GYS2: variants seen among roughly 807,000 people sequenced by gnomAD.
GYS2 encodes the protein glycogen [starch] synthase, liver.
Under a neutral mutation model 85.6 loss-of-function variants are expected in GYS2, and 80 were observed. The observed-to-expected ratio is 0.93, with a 90% CI of 0.78 to 1.13. The LOEUF (loss-of-function observed/expected upper bound fraction) is 1.13. GYS2 is among the 50% of genes most tolerant of loss of function. The pLI, the probability that GYS2 is intolerant of heterozygous loss-of-function variation, is 0.00. For synonymous variants in GYS2, 328 were observed against 300.7 expected (o/e 1.09, Z -0.94); for missense variants, 881 against 854.9 (o/e 1.03, Z -0.38).
intron 5 of GYS2, among the ~76,000 whole-genome samples, chr12:21,567,661 G>A (rs1016576426): frequency 3.3e-5 from 5 of 151,710 alleles, no homozygotes; most frequent in African/African-American, 7.3e-5. Context: ...GGATGATTTC[G>A]TTGCAAGTAA....
At chr12:21,548,520 T>C (rs930908347) in intron 11 of GYS2, among the ~76,000 whole-genome samples, 1 of 152,202 alleles carries the variant, frequency 6.6e-6, no homozygotes, top group Non-Finnish European at 1.5e-5. Context: ...TCATTTAATA[T>C]AGTTGACTTA....
downstream of GYS2, among the ~76,000 whole-genome samples, chr12:21,535,355 A>G (rs1027717765): frequency 1.3e-5 from 2 of 152,160 alleles, no homozygotes; most frequent in African/African-American, 2.4e-5. Flanking sequence ...TTATCACAGT[A>G]TCTTTCTGGT....
intron 1 of GYS2, among the ~76,000 whole-genome samples, chr12:21,597,131 C>T (rs1944705522): frequency 6.6e-6 from 1 of 152,026 alleles, no homozygotes; most frequent in Admixed American, 6.6e-5. Context: ...GGAGACACTT[C>T]AAGACATGGC....
intron 7 of GYS2, among the ~76,000 whole-genome samples, chr12:21,561,718 G>A (rs1944255380): frequency 6.6e-6 from 1 of 152,132 alleles, no homozygotes; most frequent in South Asian, 2.1e-4. Flanking sequence ...CTTGTTGAAT[G>A]AATATATACT....
At chr12:21,564,630 G>A (rs1308881950) in intron 5 of GYS2, among the ~76,000 whole-genome samples, 2 of 152,070 alleles carry the variant, frequency 1.3e-5, no homozygotes, top group African/African-American at 4.8e-5. Flanking sequence ...AAGTAGCCAA[G>A]GTTTCCAGTG....
chr12:21,541,871 A>C (rs1287330196), intron 13 of GYS2, among the ~76,000 whole-genome samples: 2 of 151,922 alleles, frequency 1.3e-5, no homozygotes, highest in Non-Finnish European at 2.9e-5. Context: ...TCCCCACTCA[A>C]GCAGTCCCCA....
intron 4 of GYS2, among the ~76,000 whole-genome samples, chr12:21,571,323 T>C (rs2136898394): frequency 6.6e-6 from 1 of 152,356 alleles, no homozygotes; most frequent in South Asian, 2.1e-4. Flanking sequence ...TATTTATGAT[T>C]ATATCTTAAA....
rs191827852 is a variant in GYS2 at position 21,545,308 on chromosome 12, G to A, written c.1549+1036C>T. ...AACACAAAAATTAGCCAGGCGTGGTGGTGTGTGCCTGTAATCCCAGCTACT... is the reference window on the plus strand; with the variant it reads ...AACACAAAAATTAGCCAGGCGTGGTAGTGTGTGCCTGTAATCCCAGCTACT... On this transcript the variant is annotated intron_variant, in intron 12 of 15. Transcript: ENST00000261195. Among the ~76,000 whole-genome samples the A allele has an allele frequency of 2.0e-3, 299 of 152,194 alleles. 1 individual carries two copies. The highest frequency in any genetic ancestry group is 3.7e-3 in the Non-Finnish European group (250 of 68,010).
downstream of GYS2, chr12:21,532,836 T>C (rs759802217): frequency 6.6e-6 from 1 of 152,222 alleles, no homozygotes; most frequent in Non-Finnish European, 1.5e-5. Flanking sequence ...TTAAAAGCTG[T>C]CTCAATGATC....
chr12:21,538,040 C>G (rs1003306371), intron 15 of GYS2, among the ~76,000 whole-genome samples: 5 of 152,136 alleles, frequency 3.3e-5, no homozygotes, highest in Non-Finnish European at 7.4e-5. Context: ...GCACTTGAGA[C>G]CTAGCTTGAA....
Position 21,559,105 on chromosome 12 carries a change from T to C in GYS2, c.1294A>G (p.Ile432Val), listed in dbSNP as rs868583576. Residue 432 changes from isoleucine to valine, a missense_variant, in exon 10 of 16, where the codon ATC (isoleucine) becomes GTC (valine). Ile to Val is a conservative substitution (Grantham distance 29, BLOSUM62 3). Coordinates refer to ENST00000261195, the MANE Select transcript of GYS2 (RefSeq NM_021957.4). The stretch of plus-strand genomic sequence containing the variant: ...TTCCTTATTACCTGAGTTGAAAAGA[T>C]GGCTCTTTTCATAATTGTTAGATCA... ...RDDLTIMKRA[I>V]FSTQRQSLPP... 6.3e-7 allele frequency: 1 copy of C among 1,597,382 alleles called. No homozygotes were observed. The highest frequency in any genetic ancestry group is 1.7e-5 in the Admixed American group (1 of 59,958).
chr12:21,539,418 TCTC>T, intron 14 of GYS2, 80 bp from the exon 15 acceptor site: 1 of 797,614 alleles, frequency 1.3e-6, no homozygotes, highest in Non-Finnish European at 2.2e-6. Flanking sequence ...AAGGCCTTAT[TCTC>T]CTAGTTCTGA....
In GYS2 at chr12:21,546,374, A is replaced by T; in HGVS notation, c.1519T>A (p.Ser507Thr). The T allele has an allele frequency of 6.2e-7, 1 of 1,602,586 alleles. No homozygotes were observed. The highest frequency in any genetic ancestry group is 8.5e-7 in the Non-Finnish European group (1 of 1,169,928). Residue 507 changes from serine (S) to threonine (T), a missense_variant, in exon 12 of 16, where the codon TCA becomes ACA. Physicochemically the swap from Ser to Thr is moderately conservative, Grantham distance 58 (BLOSUM62 1). Transcript: ENST00000261195. ...VRGCHLGVFP[S>T]YYEPWGYTPA... ...GTATAACCCCAGGGTTCATAGTATG[A>T]TGGAAATACTCCAAGATGACAACCT...
At chr12:21,585,390 G>A (rs1314609654) in intron 1 of GYS2, among the ~76,000 whole-genome samples, 5 of 152,142 alleles carry the variant, frequency 3.3e-5, no homozygotes, top group African/African-American at 1.2e-4. Flanking sequence ...CTATCAAGAT[G>A]AAATCAGTCT....
chr12:21,559,537 G>C, intron 9 of GYS2, 114 bp downstream of exon 9: 2 of 720,358 alleles, frequency 2.8e-6, no homozygotes, highest in Non-Finnish European at 5.0e-6. Context: ...CATTTTCAAA[G>C]GTTATTAATT....
chr12:21,553,341 T>C (rs970856223), intron 11 of GYS2, among the ~76,000 whole-genome samples: 1 of 152,252 alleles, frequency 6.6e-6, no homozygotes, highest in African/African-American at 2.4e-5. Context: ...GGGATTTAAA[T>C]ACAGTCTTCA....
intron 1 of GYS2, among the ~76,000 whole-genome samples, chr12:21,602,043 T>C: frequency 6.6e-6 from 1 of 152,118 alleles, no homozygotes; most frequent in Non-Finnish European, 1.5e-5. Flanking sequence ...AAACCTTTTG[T>C]TTTCTTGGAT....
intron 11 of GYS2, among the ~76,000 whole-genome samples, chr12:21,556,165 G>T (rs1403917908): frequency 6.6e-6 from 1 of 151,854 alleles, no homozygotes; most frequent in Non-Finnish European, 1.5e-5. Context: ...ATTCAACCTA[G>T]TCTTTTTAAT....
Position 21,536,179 on chromosome 12 carries a change from C to A in GYS2, c.*775G>T, listed in dbSNP as rs1410521754. 3 of 152,024 alleles carry A rather than the reference C, an allele frequency of 2.0e-5. No homozygotes were observed. Among genetic ancestry groups the A allele is most frequent in the Non-Finnish European group, 2.9e-5 (2 of 67,986 alleles). The allele number at this position is 152,024 out of a possible 1,614,324, so 9.4% of individuals were successfully genotyped here. A position where few individuals can be genotyped will look rare whatever the true frequency, so the allele number is the denominator to read the frequency against. ...TCATCTATGAAGAAACAAGGCATTA[C>A]CAGTGAAAGTTAAGTTATTAAATAT... On this transcript the variant is annotated 3_prime_UTR_variant, in exon 16 of 16. Coordinates refer to ENST00000261195, the MANE Select transcript of GYS2 (RefSeq NM_021957.4).
Sources: allele counts gnomAD v4.1 joint callset (sites outside exome capture counted in the v4.1 genomes callset), GRCh38; gene constraint gnomAD v4.1.1; transcripts MANE v1.5; gene names NCBI Gene and HGNC (gene_info 2026-07-23, HGNC 2026-07-21).